Variants in NAV2 observed in about 807,000 individuals in gnomAD.
NAV2 encodes the protein helicase, APC down-regulated 1.
NAV2 carries 54 observed loss-of-function variants against 223.2 expected under a neutral mutation model. The ratio of observed to expected loss-of-function variants is 0.24; its 90% CI spans 0.19 to 0.30. The LOEUF (loss-of-function observed/expected upper bound fraction) is 0.30, where lower values mean the gene tolerates loss of function less well. NAV2 is among the 10% of genes least tolerant of loss of function. The pLI is 1.00. For missense variants in NAV2, 2,806 were observed against 3,147.5 expected (o/e 0.89, Z 2.60); for synonymous variants, 1,279 against 1,239.3 (o/e 1.03, Z -0.67).
At chr11:20,082,312 G>GT (rs1343921187) in intron 25 of NAV2, among the ~76,000 whole-genome samples, 2 of 152,192 alleles carry the variant, frequency 1.3e-5, no homozygotes, top group East Asian at 3.8e-4. Flanking sequence ...GCACAGGAAG[G>GT]TGGGAGGCAG....
At chr11:19,419,531 G>A (rs1692651645) in intron 1 of NAV2, among the ~76,000 whole-genome samples, 1 of 152,134 alleles carries the variant, frequency 6.6e-6, no homozygotes. Context: ...TGGCAGGTGG[G>A]GCTTCGAGAC....
chr11:19,714,026 G>T lies in NAV2; in HGVS notation c.267+64G>T, dbSNP rs1040118157. The T allele has an allele frequency of 3.2e-6, 5 of 1,581,298 alleles. No individual in the cohort carries two copies. The African/African-American group carries it at 6.7e-5, about 21-fold the overall frequency. ...ATGGATGAATAGTTCTTTCGGGATG[G>T]TGTGGGAGAAAGGGCTGGATGGGAG... On this transcript the variant is annotated intron_variant, in intron 1 of 37. Coordinates refer to ENST00000349880, the MANE Select transcript of NAV2 (RefSeq NM_145117.5).
rs559735413 is a variant in NAV2 at position 19,609,165 on chromosome 11, C to T, written c.76-223319C>T. On this transcript the variant is annotated intron_variant, in intron 1 of 37. Coordinates refer to the NAV2 transcript ENST00000360655. Reference sequence around the variant, plus strand: ...GGGTCGCAGACATCTCTAGATGGCACGATTCTGCCTAGTACACCAGTACAG... The same window carrying T: ...GGGTCGCAGACATCTCTAGATGGCATGATTCTGCCTAGTACACCAGTACAG... Among the ~76,000 whole-genome samples the T allele has an allele frequency of 2.0e-3, 302 of 152,256 alleles. 1 individual carries two copies. The highest frequency in any genetic ancestry group is 5.1e-3 in the African/African-American group (212 of 41,546).
chr11:19,945,154 TCC>T (rs2046811985), intron 8 of NAV2, among the ~76,000 whole-genome samples: 1 of 7,260 alleles, frequency 1.4e-4, no homozygotes, highest in Admixed American at 1.3e-3. Context: ...TCTTTCTGTC[TCC>T]CTTCCCTTCC....
At chr11:19,352,910 G>A (rs897182366) in intron 1 of NAV2, among the ~76,000 whole-genome samples, 1 of 152,156 alleles carries the variant, frequency 6.6e-6, no homozygotes, top group African/African-American at 2.4e-5. Context: ...GTTGGTGTGT[G>A]CATGTGTGTG....
At chr11:19,374,630 G>A (rs1042818018) in intron 1 of NAV2, among the ~76,000 whole-genome samples, 1 of 152,216 alleles carries the variant, frequency 6.6e-6, no homozygotes, top group African/African-American at 2.4e-5. Context: ...ACTCAACCAT[G>A]ACTTAATGAG....
intron 11 of NAV2, among the ~76,000 whole-genome samples, chr11:20,021,835 C>T (rs534578370): frequency 7.9e-5 from 12 of 152,360 alleles, no homozygotes; most frequent in African/African-American, 2.2e-4. Context: ...CTGGGAATCA[C>T]CACCAGACCC....
At chr11:19,833,109 A>G (rs1590795741) in intron 2 of NAV2, among the ~76,000 whole-genome samples, 1 of 152,376 alleles carries the variant, frequency 6.6e-6, no homozygotes, top group Admixed American at 6.5e-5. Context: ...GGAATTTGTC[A>G]TGCCTTGACC....
intron 1 of NAV2, among the ~76,000 whole-genome samples, chr11:19,562,931 C>T (rs1227978134): frequency 6.6e-6 from 1 of 152,138 alleles, no homozygotes; most frequent in African/African-American, 2.4e-5. Flanking sequence ...TCTCTGGGTC[C>T]TAAAATAATG....
chr11:19,454,718 C>T (rs1365648229), intron 1 of NAV2, among the ~76,000 whole-genome samples: 4 of 152,126 alleles, frequency 2.6e-5, no homozygotes, highest in African/African-American at 4.8e-5. Context: ...TAATGGGACA[C>T]GTAACTGAAA....
rs2049388622 is a variant in NAV2 at position 19,697,675 on chromosome 11, T to C, written c.76-134809T>C. The stretch of plus-strand genomic sequence containing the variant: ...GGACACTGGGTTTTAGTTAGGTGAT[T>C]GGAATAGTTACCACCTGTAACAACT... On this transcript the variant is annotated intron_variant, in intron 1 of 37. Transcript: ENST00000360655. Among the ~76,000 whole-genome samples, 2 of 152,050 alleles carry C rather than the reference T, an allele frequency of 1.3e-5. 1 individual carries two copies. The highest frequency in any genetic ancestry group is 4.2e-4 in the South Asian group (2 of 4,814).
rs1300638558 is a variant in NAV2 at position 20,120,478 on chromosome 11, C to A, written c.*2220C>A. The A allele has an allele frequency of 6.6e-6, 1 of 152,648 alleles. No individual in the cohort carries two copies. Among genetic ancestry groups the A allele is most frequent in the Admixed American group, 6.5e-5 (1 of 15,274 alleles). 9.5% of individuals were successfully genotyped at this position (152,648 alleles called of 1,614,324 possible). ...CCTCCTCAGACAATTTATCTCCCAG[C>A]AATGACCCTACTACACTCGCGTACT... On this transcript the variant is annotated 3_prime_UTR_variant, in exon 38 of 38. Transcript: ENST00000349880.
At chr11:19,764,067 C>T (rs1173068334) in intron 1 of NAV2, among the ~76,000 whole-genome samples, 1 of 152,116 alleles carries the variant, frequency 6.6e-6, no homozygotes, top group Non-Finnish European at 1.5e-5. Context: ...TTTTCCATTC[C>T]TGAAGTTCTT....
intron 1 of NAV2, among the ~76,000 whole-genome samples, chr11:19,626,037 T>C (rs1396210939): frequency 6.6e-6 from 1 of 152,218 alleles, no homozygotes; most frequent in Non-Finnish European, 1.5e-5. Flanking sequence ...TGCTATTTGA[T>C]ATAATCCCAT....
intron 1 of NAV2, among the ~76,000 whole-genome samples, chr11:19,793,538 G>A (rs2057688942): frequency 6.6e-6 from 1 of 152,158 alleles, no homozygotes. Flanking sequence ...TTCTGTCTCT[G>A]CTGCCGTCAC....
intron 1 of NAV2, among the ~76,000 whole-genome samples, chr11:19,699,175 T>C (rs1169037172): frequency 2.6e-5 from 4 of 152,234 alleles, no homozygotes; most frequent in Admixed American, 1.3e-4. Context: ...TGGAGTGTCT[T>C]AGCAAAGCAT....
In NAV2 at chr11:19,843,021, A is replaced by T. The variant is rs1303940902; in HGVS notation, c.438+98A>T. On this transcript the variant is annotated intron_variant, in intron 3 of 37. Coordinates refer to ENST00000349880, the MANE Select transcript of NAV2 (RefSeq NM_145117.5). ...TGAAAACATTCATACCAGATGCTTT[A>T]CTCCAGGGGATTATATTAATAAACT... is the stretch of plus-strand genomic sequence containing the variant. 7.7e-5 allele frequency: 74 copies of T among 959,268 alleles called. No individual in the cohort carries two copies. The East Asian group carries it at 1.8e-3, about 23-fold the overall frequency. The allele number at this position is 959,268 out of a possible 1,614,324, so 59.4% of individuals were successfully genotyped here. A position where few individuals can be genotyped will look rare whatever the true frequency, so the allele number is the denominator to read the frequency against.
At chr11:19,845,534 A>G (rs1254172092) in intron 3 of NAV2, among the ~76,000 whole-genome samples, 1 of 152,132 alleles carries the variant, frequency 6.6e-6, no homozygotes, top group Non-Finnish European at 1.5e-5. Context: ...AATAATAGAG[A>G]CAAAAGGAGT....
At chr11:20,112,380 G>GTCT (rs2062709523) in intron 36 of NAV2, among the ~76,000 whole-genome samples, 1 of 152,186 alleles carries the variant, frequency 6.6e-6, no homozygotes, top group Admixed American at 6.5e-5. Flanking sequence ...GAGTGCTGGT[G>GTCT]TCTGGGAAGG....
Sources: allele counts gnomAD v4.1 joint callset (sites outside exome capture counted in the v4.1 genomes callset), GRCh38; gene constraint gnomAD v4.1.1; transcripts MANE v1.5; gene names NCBI Gene and HGNC (gene_info 2026-07-23, HGNC 2026-07-21).